MGAT4C: variants seen among roughly 807,000 people sequenced by gnomAD.
MGAT4C encodes alpha-1,3-mannosyl-glycoprotein 4-beta-N-acetylglucosaminyltransferase C.
A neutral mutation model predicts 40.1 loss-of-function variants in MGAT4C; 19 were observed. The ratio of observed to expected loss-of-function variants is 0.47; its 90% CI spans 0.33 to 0.70. The LOEUF (loss-of-function observed/expected upper bound fraction) is 0.70, where lower values mean the gene tolerates loss of function less well. MGAT4C is among the 30% of genes least tolerant of loss of function. MGAT4C has a pLI of 0.02. For synonymous variants in MGAT4C, 181 were observed against 187.1 expected, an observed-to-expected ratio of 0.97 and a Z score of 0.27; for missense variants, 491 against 563.2, an observed-to-expected ratio of 0.87 and a Z score of 1.30.
At chr12:86,557,615 C>T (rs1959673526) in intron 2 of MGAT4C, among the ~76,000 whole-genome samples, 1 of 152,218 alleles carries the variant, frequency 6.6e-6, no homozygotes, top group Non-Finnish European at 1.5e-5. Context: ...ATGGACACCA[C>T]TGATGCTGAT....
At chr12:86,336,429 T>G (rs1954794946) in intron 3 of MGAT4C, among the ~76,000 whole-genome samples, 1 of 152,196 alleles carries the variant, frequency 6.6e-6, no homozygotes, top group Non-Finnish European at 1.5e-5. Context: ...AGGTGTCTAT[T>G]ATGTGCCAGC....
intron 1 of MGAT4C, among the ~76,000 whole-genome samples, chr12:86,061,760 A>G (rs967800030): frequency 1.3e-5 from 2 of 152,148 alleles, no homozygotes; most frequent in Non-Finnish European, 2.9e-5. Flanking sequence ...GTCATCAGGA[A>G]GTTTGAACTG....
intron 4 of MGAT4C, among the ~76,000 whole-genome samples, chr12:86,320,540 G>A (rs1186863243): frequency 6.6e-6 from 1 of 152,208 alleles, no homozygotes; most frequent in African/African-American, 2.4e-5. Flanking sequence ...TGTGCCAAAT[G>A]CTTTTCAAAC....
intron 1 of MGAT4C, among the ~76,000 whole-genome samples, chr12:86,212,171 AT>A (rs1340303818): frequency 1.2e-4 from 18 of 152,136 alleles, no homozygotes; most frequent in Admixed American, 7.9e-4. Context: ...ATATCCACTA[AT>A]CCATTCTTTT....
chr12:86,758,353 A>G (rs1005517078), intron 1 of MGAT4C, among the ~76,000 whole-genome samples: 1 of 149,554 alleles, frequency 6.7e-6, no homozygotes, highest in Non-Finnish European at 1.5e-5. Flanking sequence ...AAAGCTAGGG[A>G]ACATATTTTT....
At chr12:86,601,145 G>A (rs1479794700) in intron 2 of MGAT4C, 1 of 152,516 alleles carries the variant, frequency 6.6e-6, no homozygotes, top group Non-Finnish European at 1.5e-5. Context: ...AGGCACCCCT[G>A]GGAGCAGTCA....
At chr12:85,987,875 T>C (rs768901364) in intron 3 of MGAT4C, among the ~76,000 whole-genome samples, 1 of 152,204 alleles carries the variant, frequency 6.6e-6, no homozygotes, top group Non-Finnish European at 1.5e-5. Context: ...ATTTACAAGA[T>C]TTTATTTACT....
At chr12:86,371,651 C>T (rs571355854) in intron 3 of MGAT4C, among the ~76,000 whole-genome samples, 1 of 151,974 alleles carries the variant, frequency 6.6e-6, no homozygotes, top group Non-Finnish European at 1.5e-5. Flanking sequence ...TGACTTAGAG[C>T]ACTTTTCTCT....
intron 1 of MGAT4C, among the ~76,000 whole-genome samples, chr12:86,773,941 ACTT>A (rs772297571): frequency 0.026 from 2,825 of 107,870 alleles, 239 homozygotes; most frequent in Admixed American, 0.042. Context: ...TTTTAAAGTA[ACTT>A]CTTTTTTTTT....
At chr12:86,067,855 G>A (rs1260416169) in intron 1 of MGAT4C, among the ~76,000 whole-genome samples, 1 of 152,122 alleles carries the variant, frequency 6.6e-6, no homozygotes, top group Non-Finnish European at 1.5e-5. Context: ...TTGATGATCA[G>A]ATGCCAAAGC....
intron 2 of MGAT4C, among the ~76,000 whole-genome samples, chr12:86,636,548 G>A (rs957146388): frequency 3.9e-5 from 6 of 151,922 alleles, no homozygotes; most frequent in African/African-American, 7.2e-5. Flanking sequence ...AAAGAAACCA[G>A]AGCTTGCTTT....
At chr12:86,645,174 T>C (rs1408599081) in intron 2 of MGAT4C, among the ~76,000 whole-genome samples, 1 of 151,594 alleles carries the variant, frequency 6.6e-6, no homozygotes, top group Non-Finnish European at 1.5e-5. Context: ...ATGTAAAAAA[T>C]ATAGCATTTA....
At chr12:86,738,676 T>G (rs1951020603) in intron 1 of MGAT4C, among the ~76,000 whole-genome samples, 1 of 151,344 alleles carries the variant, frequency 6.6e-6, no homozygotes, top group African/African-American at 2.4e-5. Context: ...AGCCTCTGTA[T>G]CAATACAATT....
intron 2 of MGAT4C, among the ~76,000 whole-genome samples, chr12:86,485,923 T>A (rs1592904663): frequency 6.6e-6 from 1 of 152,136 alleles, no homozygotes; most frequent in African/African-American, 2.4e-5. Context: ...GGCCTATTTT[T>A]AGCATCTCTA....
rs796421842 is a variant in MGAT4C, at chr12:86,038,564, A to T, written c.-7+11110T>A. 2.3e-4 allele frequency among the ~76,000 whole-genome samples: 33 copies of T among 146,504 alleles called. 4 individuals are homozygous for T. Among genetic ancestry groups the T allele is most frequent in the South Asian group, 1.5e-3 (7 of 4,642 alleles). On this transcript the variant is annotated intron_variant, in intron 2 of 4. Transcript: ENST00000611864. ...GCTTTATTTATTTATTTATTTATTT[A>T]TTTTTTTGCTTTCCATTTGCTTGGT...
intron 1 of MGAT4C, among the ~76,000 whole-genome samples, chr12:86,127,496 T>C (rs907399196): frequency 1.3e-5 from 2 of 152,186 alleles, no homozygotes; most frequent in Admixed American, 6.5e-5. Flanking sequence ...TAGGCTATGC[T>C]ATATTTATAA....
intron 1 of MGAT4C, among the ~76,000 whole-genome samples, chr12:86,219,781 A>G (rs1426946584): frequency 6.6e-6 from 1 of 152,192 alleles, no homozygotes; most frequent in African/African-American, 2.4e-5. Flanking sequence ...CCTGCCGGAA[A>G]ACATAAATTG....
intron 2 of MGAT4C, among the ~76,000 whole-genome samples, chr12:86,538,403 C>G (rs1265330212): frequency 6.6e-6 from 1 of 152,106 alleles, no homozygotes; most frequent in Non-Finnish European, 1.5e-5. Context: ...GCACTACAGT[C>G]CAGAGGATCT....
intron 1 of MGAT4C, among the ~76,000 whole-genome samples, chr12:86,138,121 T>C (rs1882233818): frequency 6.6e-6 from 1 of 152,036 alleles, no homozygotes; most frequent in South Asian, 2.1e-4. Flanking sequence ...GATTAAATAC[T>C]CCACTCTATC....
Sources: gnomAD v4.1 joint callset for allele counts (sites outside exome capture counted in the v4.1 genomes callset) on GRCh38, gnomAD v4.1.1 for gene constraint, MANE v1.5 for transcripts, NCBI Gene and HGNC (gene_info 2026-07-23, HGNC 2026-07-21) for gene names.